The following PTPRN2 variants were observed in gnomAD, a reference collection of about 807,000 sequenced individuals.
PTPRN2 encodes the protein protein tyrosine phosphatase receptor type N2.
A neutral mutation model predicts 118.8 loss-of-function variants in PTPRN2; 74 were observed. That is an observed-to-expected ratio of 0.62 (90% CI 0.52 to 0.76). PTPRN2 has a LOEUF of 0.76. Among genes scored for constraint, PTPRN2 ranks in the 30% least tolerant of loss-of-function variants. PTPRN2 has a pLI of 0.00. For missense variants in PTPRN2, 1,481 were observed against 1,394.4 expected (o/e 1.06, Z -0.99); for synonymous variants, 641 against 608.0 (o/e 1.05, Z -0.80).
chr7:158,270,779 G>GGCCGGCCCCTCC (rs1563067139), intron 3 of PTPRN2, among the ~76,000 whole-genome samples: 1 of 117,338 alleles, frequency 8.5e-6, no homozygotes, highest in African/African-American at 4.0e-5. Flanking sequence ...CGTCCACCTG[G>GGCCGGCCCCTCC]ACCACCCCTC....
intron 13 of PTPRN2, among the ~76,000 whole-genome samples, chr7:157,666,080 A>C (rs1417303855): frequency 6.6e-6 from 1 of 152,088 alleles, no homozygotes; most frequent in Non-Finnish European, 1.5e-5. Context: ...ACATGTATAC[A>C]TATGTAACAA....
chr7:158,316,743 C>T (rs1346760996), intron 3 of PTPRN2, 76 bp downstream of exon 3: 21 of 1,116,672 alleles, frequency 1.9e-5, no homozygotes, highest in African/African-American at 3.1e-5. Flanking sequence ...AGCTCCTCAC[C>T]GCCCAGGAGG....
intron 11 of PTPRN2, among the ~76,000 whole-genome samples, chr7:157,979,908 G>A (rs1803011572): frequency 6.6e-6 from 1 of 152,198 alleles, no homozygotes; most frequent in Admixed American, 6.5e-5. Context: ...CCCCGACTGG[G>A]CAGCTGGGGG....
chr7:158,012,454 A>C (rs3937574), intron 11 of PTPRN2, among the ~76,000 whole-genome samples: 120,120 of 152,206 alleles, frequency 0.79, 47,447 homozygotes, highest in East Asian at 0.82. Context: ...TGTATGGAAG[A>C]ATTTCCAAAA....
intron 5 of PTPRN2, among the ~76,000 whole-genome samples, chr7:158,187,509 CT>C (rs1825270420): frequency 6.6e-6 from 1 of 152,174 alleles, no homozygotes; most frequent in South Asian, 2.1e-4. Context: ...CACGGCAGCG[CT>C]GCAGCCTCTG....
At chr7:158,090,741 A>G (rs919245284) in intron 10 of PTPRN2, among the ~76,000 whole-genome samples, 2 of 152,224 alleles carry the variant, frequency 1.3e-5, no homozygotes, top group Non-Finnish European at 2.9e-5. Context: ...TTCTGCGTAA[A>G]AGGCCTTTTC....
intron 1 of PTPRN2, among the ~76,000 whole-genome samples, chr7:158,560,391 G>A (rs535908883): frequency 2.0e-5 from 3 of 152,372 alleles, no homozygotes; most frequent in East Asian, 3.9e-4. Context: ...TCATGTGCAC[G>A]AACACTTAGA....
At chr7:158,276,788 G>C (rs563104358) in intron 3 of PTPRN2, among the ~76,000 whole-genome samples, 1 of 152,234 alleles carries the variant, frequency 6.6e-6, no homozygotes, top group Non-Finnish European at 1.5e-5. Context: ...GTCGGCCTGG[G>C]GACGCTCAGC....
chr7:157,803,381 G>A (rs1213263907), intron 12 of PTPRN2, among the ~76,000 whole-genome samples: 8 of 152,188 alleles, frequency 5.3e-5, no homozygotes, highest in Admixed American at 3.9e-4. Flanking sequence ...TACCTTTCGT[G>A]GGCTGCCCTC....
chr7:157,546,963 G>A (rs1020619703), intron 22 of PTPRN2, among the ~76,000 whole-genome samples: 3 of 152,142 alleles, frequency 2.0e-5, no homozygotes, highest in African/African-American at 4.8e-5. Context: ...ATCCCCTTGC[G>A]ATGATTTTGC....
At chr7:157,979,058 C>T (rs934536) in intron 11 of PTPRN2, among the ~76,000 whole-genome samples, 18 of 152,128 alleles carry the variant, frequency 1.2e-4, no homozygotes, top group Middle Eastern at 3.4e-3. Flanking sequence ...TCCCCCAGGC[C>T]TACTGCACCT....
chr7:158,110,688 G>T (rs1816158418), intron 10 of PTPRN2, 141 bp downstream of exon 10: 2 of 766,224 alleles, frequency 2.6e-6, no homozygotes, highest in Non-Finnish European at 2.1e-6. Context: ...TACCAAAGCT[G>T]CTGAAATCAC....
chr7:157,615,483 T>G lies in PTPRN2; in HGVS notation c.2344+5879A>C, dbSNP rs1450568811. ...CTCACGTGGAAACATCTGATGAGCCTTTGCCAATATGCTCGGGACCTGGGG... is the reference window on the plus strand; with the variant it reads ...CTCACGTGGAAACATCTGATGAGCCGTTGCCAATATGCTCGGGACCTGGGG... On this transcript the variant is annotated intron_variant, in intron 15 of 22. Transcript: ENST00000389418. This position sits in a 1 kb window ranked among gnomAD's most constrained non-coding sequence, Gnocchi z 4.3. 1 of 471,088 alleles carries G rather than the reference T, an allele frequency of 2.1e-6. No homozygotes were observed. Among genetic ancestry groups the G allele is most frequent in the African/African-American group, 2.0e-5 (1 of 50,084 alleles). The allele number at this position is 471,088 out of a possible 1,614,324, so 29.2% of individuals were successfully genotyped here.
At chr7:157,757,238 G>A (rs1275960531) in intron 12 of PTPRN2, among the ~76,000 whole-genome samples, 2 of 149,878 alleles carry the variant, frequency 1.3e-5, no homozygotes, top group African/African-American at 5.0e-5. Flanking sequence ...CATGGGTGAA[G>A]GCTGAGTCTG....
intron 13 of PTPRN2, among the ~76,000 whole-genome samples, chr7:157,665,520 G>C (rs1796094582): frequency 6.6e-6 from 1 of 152,250 alleles, no homozygotes; most frequent in Non-Finnish European, 1.5e-5. Flanking sequence ...GCATGGGCCT[G>C]CCTGGCCCTG....
intron 14 of PTPRN2, among the ~76,000 whole-genome samples, chr7:157,636,127 A>G (rs1394200861): frequency 6.6e-6 from 1 of 152,236 alleles, no homozygotes; most frequent in Non-Finnish European, 1.5e-5. Flanking sequence ...TCTGCTGATA[A>G]AATTCTTTGC....
intron 11 of PTPRN2, among the ~76,000 whole-genome samples, chr7:157,992,954 T>C (rs1585158058): frequency 6.6e-6 from 1 of 152,196 alleles, no homozygotes; most frequent in Non-Finnish European, 1.5e-5. Context: ...TCACTCCCAG[T>C]GGGGAGCTGT....
intron 3 of PTPRN2, among the ~76,000 whole-genome samples, chr7:158,305,985 G>T (rs1188034671): frequency 6.6e-6 from 1 of 152,074 alleles, no homozygotes; most frequent in Non-Finnish European, 1.5e-5. Flanking sequence ...CACAGGGTGG[G>T]GTTAGAGTGC....
intron 11 of PTPRN2, among the ~76,000 whole-genome samples, chr7:157,899,606 A>AATATCAATTACTCTCACCCCTT (rs1318810564): frequency 6.6e-6 from 1 of 152,214 alleles, no homozygotes; most frequent in African/African-American, 2.4e-5. Flanking sequence ...ATAGCAGGAA[A>AATATCAATTACTCTCACCCCTT]ATATCAATTA....
Sources: gnomAD v4.1 joint callset for allele counts (sites outside exome capture counted in the v4.1 genomes callset) on GRCh38, gnomAD v4.1.1 for gene constraint, Gnocchi (gnomAD v3.1) non-coding constraint, MANE v1.5 for transcripts, NCBI Gene and HGNC (gene_info 2026-07-23, HGNC 2026-07-21) for gene names.